PKIB: variants seen among roughly 807,000 people sequenced by gnomAD.
PKIB encodes PKI-beta.
A neutral mutation model predicts 4.5 loss-of-function variants in PKIB; 2 were observed. The observed-to-expected ratio is 0.44, with a 90% confidence interval of 0.18 to 1.39. PKIB has a LOEUF of 1.39. Among genes scored for constraint, PKIB ranks in the 40% most tolerant of loss-of-function variants. PKIB has a pLI of 0.27. For synonymous variants in PKIB, 38 were observed against 36.0 expected, an observed-to-expected ratio of 1.06 and a Z score of -0.20; for missense variants, 94 against 92.6, an observed-to-expected ratio of 1.02 and a Z score of -0.06.
chr6:122,607,333 CAAAACA>C (rs1267816424), upstream of PKIB, among the ~76,000 whole-genome samples: 1 of 151,620 alleles, frequency 6.6e-6, no homozygotes, highest in African/African-American at 2.4e-5. Context: ...CAAAACAAAA[CAAAACA>C]AAAAAACAAA....
At chr6:122,549,619 A>G (rs1772609465) in intron 2 of PKIB, among the ~76,000 whole-genome samples, 1 of 152,086 alleles carries the variant, frequency 6.6e-6, no homozygotes, top group African/African-American at 2.4e-5. Context: ...TTTGACTAAT[A>G]TATTCTCTTG....
rs1227322329 is a variant in PKIB, at chr6:122,726,045, AT to A, written c.*857del. The A allele has an allele frequency of 2.0e-5, 3 of 151,950 alleles. No homozygotes were observed. Among genetic ancestry groups the A allele is most frequent in the Non-Finnish European group, 2.9e-5 (2 of 67,962 alleles). The allele number at this position is 151,950 out of a possible 1,614,324, so 9.4% of individuals were successfully genotyped here. A position where few individuals can be genotyped will look rare whatever the true frequency, so the allele number is the denominator to read the frequency against. On this transcript the variant is annotated 3_prime_UTR_variant, in exon 5 of 5. Coordinates refer to ENST00000368452, the MANE Select transcript of PKIB (RefSeq NM_181795.3). ...CAGCAATGCAGACCTTAATTTTTAT[AT>A]TTTTTTAAAGTAGCTAACATAGCAG...
At chr6:122,534,041 C>A (rs1317444405) in intron 2 of PKIB, among the ~76,000 whole-genome samples, 3 of 151,584 alleles carry the variant, frequency 2.0e-5, no homozygotes, top group Non-Finnish European at 4.4e-5. Flanking sequence ...TAAACTTCAT[C>A]TGTGACCTTA....
chr6:122,582,152 G>C (rs1395220665), intron 2 of PKIB, among the ~76,000 whole-genome samples: 1 of 151,934 alleles, frequency 6.6e-6, no homozygotes, highest in Non-Finnish European at 1.5e-5. Context: ...AACTAACATG[G>C]TAACAGTTAT....
intron 3 of PKIB, among the ~76,000 whole-genome samples, chr6:122,687,947 T>C (rs540980487): frequency 3.9e-5 from 6 of 152,044 alleles, no homozygotes; most frequent in Non-Finnish European, 7.4e-5. Context: ...CTTTTTTTTT[T>C]AAATTTTATT....
intron 2 of PKIB, among the ~76,000 whole-genome samples, chr6:122,524,497 G>C (rs993967262): frequency 5.9e-5 from 9 of 152,058 alleles, no homozygotes; most frequent in African/African-American, 2.2e-4. Flanking sequence ...ATGCCTCATA[G>C]AAGAATCTTG....
chr6:122,647,055 A>G (rs2114866081), intron 2 of PKIB, among the ~76,000 whole-genome samples: 1 of 152,282 alleles, frequency 6.6e-6, no homozygotes. Flanking sequence ...ACAGATGAAA[A>G]ACAGAGAAAC....
At position 122,635,891 on chromosome 6, in the gene PKIB, G is replaced by A. The variant is rs2116059; in HGVS notation, c.-76+2524G>A. Among the ~76,000 whole-genome samples the A allele has an allele frequency of 7.7e-3, 1,173 of 152,134 alleles. 14 individuals are homozygous for A. Among genetic ancestry groups the A allele is most frequent in the Non-Finnish European group, 9.7e-3 (656 of 67,952 alleles). On this transcript the variant is annotated intron_variant, in intron 2 of 4. Coordinates refer to ENST00000368452, the MANE Select transcript of PKIB (RefSeq NM_181795.3). ...ACTTCTGCTTTCTGATTTCAAGAAA[G>A]CAGAAAAACCCTAGTGGCTTACTAC...
At chr6:122,676,226 A>C (rs1777667664) in intron 3 of PKIB, among the ~76,000 whole-genome samples, 1 of 151,872 alleles carries the variant, frequency 6.6e-6, no homozygotes, top group African/African-American at 2.4e-5. Flanking sequence ...TAGATCCCTC[A>C]CATACACAGT....
intron 2 of PKIB, chr6:122,484,207 C>T (rs1421249002): frequency 6.6e-6 from 1 of 151,830 alleles, no homozygotes; most frequent in Non-Finnish European, 1.5e-5. Context: ...ACCACTCTTG[C>T]AGTAAATATA....
intron 3 of PKIB, among the ~76,000 whole-genome samples, chr6:122,694,115 A>T (rs576061706): frequency 6.6e-6 from 1 of 152,298 alleles, no homozygotes; most frequent in East Asian, 1.9e-4. Flanking sequence ...GAAGATACTT[A>T]ATCAATGGAT....
At chr6:122,640,856 A>G (rs1776095099) in intron 2 of PKIB, among the ~76,000 whole-genome samples, 1 of 152,136 alleles carries the variant, frequency 6.6e-6, no homozygotes, top group Non-Finnish European at 1.5e-5. Context: ...TTCCAGGCCT[A>G]TCTTAGGTTA....
chr6:122,640,488 T>C (rs1054905421), intron 2 of PKIB, among the ~76,000 whole-genome samples: 2 of 152,204 alleles, frequency 1.3e-5, no homozygotes, highest in African/African-American at 4.8e-5. Flanking sequence ...GTTTGTCATA[T>C]CAAAGAAGAT....
intron 1 of PKIB, among the ~76,000 whole-genome samples, chr6:122,617,368 T>C (rs1484112416): frequency 6.6e-6 from 1 of 152,204 alleles, no homozygotes; most frequent in African/African-American, 2.4e-5. Flanking sequence ...ACGGTAGATC[T>C]GGGTCAGCTC....
chr6:122,665,231 C>A lies in PKIB; in HGVS notation c.-75-9847C>A, dbSNP rs1435835722. 2.0e-5 allele frequency among the ~76,000 whole-genome samples: 3 copies of A among 152,272 alleles called. No homozygotes were observed. The South Asian group carries it at 6.2e-4, about 32-fold the overall frequency. On this transcript the variant is annotated intron_variant, in intron 2 of 4. Coordinates refer to ENST00000368452, the MANE Select transcript of PKIB (RefSeq NM_181795.3). Reference sequence around the variant, plus strand: ...GAAAACCAGAAGTGAACATTTCAACCTTTGTCTATTGTTGAGCAAAATACG... The same window carrying A: ...GAAAACCAGAAGTGAACATTTCAACATTTGTCTATTGTTGAGCAAAATACG...
At chr6:122,487,862 G>A (rs1391250536) in intron 2 of PKIB, among the ~76,000 whole-genome samples, 1 of 152,166 alleles carries the variant, frequency 6.6e-6, no homozygotes, top group African/African-American at 2.4e-5. Flanking sequence ...GAGAAGCGAT[G>A]CTGTGTTCTT....
chr6:122,489,651 G>C (rs952791598), intron 2 of PKIB, among the ~76,000 whole-genome samples: 2 of 152,220 alleles, frequency 1.3e-5, no homozygotes, highest in Non-Finnish European at 2.9e-5. Flanking sequence ...GGATATGAAG[G>C]AAAGATAAAG....
intron 3 of PKIB, among the ~76,000 whole-genome samples, chr6:122,696,628 T>C (rs896218021): frequency 6.6e-6 from 1 of 152,320 alleles, no homozygotes; most frequent in Non-Finnish European, 1.5e-5. Context: ...AGTGAAACTC[T>C]GAAGTGATTT....
chr6:122,574,961 A>G (rs146878950), intron 2 of PKIB, among the ~76,000 whole-genome samples: 251 of 152,314 alleles, frequency 1.6e-3, no homozygotes, highest in Non-Finnish European at 2.8e-3. Flanking sequence ...GTAACAGACA[A>G]CCCACAGAGT....
Sources: gnomAD v4.1 joint callset for allele counts (sites outside exome capture counted in the v4.1 genomes callset) on GRCh38, gnomAD v4.1.1 for gene constraint, MANE v1.5 for transcripts, NCBI Gene and HGNC (gene_info 2026-07-23, HGNC 2026-07-21) for gene names.